The following KCTD16 variants were observed in gnomAD, a reference collection of about 807,000 sequenced individuals.
KCTD16 encodes BTB/POZ domain-containing protein KCTD16.
Under a neutral mutation model 33.2 loss-of-function variants are expected in KCTD16, and 13 were observed. That is an observed-to-expected ratio of 0.39 (90% CI 0.25 to 0.62). The LOEUF is 0.62. KCTD16 is among the 20% of genes least tolerant of loss of function. KCTD16 has a pLI of 0.50. For synonymous variants in KCTD16, 197 were observed against 195.3 expected (o/e 1.01, Z -0.07); for missense variants, 441 against 525.1 (o/e 0.84, Z 1.57).
chr5:144,209,545 G>A (rs764851968), intron 3 of KCTD16, among the ~76,000 whole-genome samples: 73 of 152,050 alleles, frequency 4.8e-4, no homozygotes, highest in Non-Finnish European at 7.5e-4. Flanking sequence ...CTCTTCCTCT[G>A]TCTTAGGACC....
rs1041895704 is a variant in KCTD16 at position 144,483,602 on chromosome 5, C to T, written c.*9488C>T. 16 of 151,946 alleles carry T rather than the reference C, an allele frequency of 1.1e-4. No individual in the cohort carries two copies. Among genetic ancestry groups the T allele is most frequent in the Non-Finnish European group, 1.8e-4 (12 of 67,930 alleles). The allele number at this position is 151,946 out of a possible 1,614,324, so 9.4% of individuals were successfully genotyped here. On this transcript the variant is annotated 3_prime_UTR_variant, in exon 4 of 4. Coordinates refer to ENST00000512467, the MANE Select transcript of KCTD16 (RefSeq NM_020768.4). The stretch of plus-strand genomic sequence containing the variant: ...TTTACAGACATAACAACCAAATTAA[C>T]GAATTTTGGCCATCTTAAGAATACA...
At position 144,474,635 on chromosome 5, in the gene KCTD16, C is replaced by T. The variant is rs921838529; in HGVS notation, c.*521C>T. Reference sequence around the variant, plus strand: ...TGCCAGTTTATATTGACTCCGTATGCATGAGTATTTGTGCAACACAAGCAC... The same window carrying T: ...TGCCAGTTTATATTGACTCCGTATGTATGAGTATTTGTGCAACACAAGCAC... On this transcript the variant is annotated 3_prime_UTR_variant, in exon 4 of 4. Transcript: ENST00000512467. 6.3e-6 allele frequency: 1 copy of T among 158,622 alleles called. No homozygotes were observed. The highest frequency in any genetic ancestry group is 1.9e-4 in the South Asian group (1 of 5,382). 9.8% of individuals were successfully genotyped at this position (158,622 alleles called of 1,614,324 possible).
rs779107130 is a variant in KCTD16 at position 144,207,206 on chromosome 5, T to G, written c.492T>G (p.Gly164=). 6.2e-7 allele frequency: 1 copy of G among 1,613,250 alleles called. No individual in the cohort carries two copies. ...TGCTCCCTGCCGACCGCAAGTGGGGTTTCATTACTGTGGGTTACAGAGGAT... is the reference window on the plus strand; with the variant it reads ...TGCTCCCTGCCGACCGCAAGTGGGGGTTCATTACTGTGGGTTACAGAGGAT... ...SSLLPADRKW[G]FITVGYRGSC... is the part of the protein sequence containing the mutation. Residue 164 remains glycine, a synonymous_variant, in exon 3 of 4, where the codon GGT becomes GGG. Transcript: ENST00000512467.
rs143641291 is a variant in KCTD16 at position 144,414,383 on chromosome 5, G to A, written c.833-59277G>A. 2.6e-5 allele frequency among the ~76,000 whole-genome samples: 4 copies of A among 152,262 alleles called. No individual in the cohort carries two copies. In the East Asian group the frequency reaches 7.7e-4, roughly 29 times the overall value. On this transcript the variant is annotated intron_variant, in intron 3 of 3. Coordinates refer to ENST00000512467, the MANE Select transcript of KCTD16 (RefSeq NM_020768.4). ...CTTCAGAGTGCACTAAGAGTACATGGCCTGTGTGTTCCTGCAAAGTGTTTC... is the reference window on the plus strand; with the variant it reads ...CTTCAGAGTGCACTAAGAGTACATGACCTGTGTGTTCCTGCAAAGTGTTTC...
At chr5:144,442,689 A>G (rs1345975813) in intron 3 of KCTD16, among the ~76,000 whole-genome samples, 3 of 151,626 alleles carry the variant, frequency 2.0e-5, no homozygotes, top group African/African-American at 7.3e-5. Context: ...CTTCACCAAG[A>G]TCTCCATTGT....
intron 3 of KCTD16, among the ~76,000 whole-genome samples, chr5:144,232,409 G>A (rs1233912528): frequency 6.6e-6 from 1 of 152,212 alleles, no homozygotes; most frequent in Non-Finnish European, 1.5e-5. Context: ...TTGAACGTGT[G>A]AAGAAATGGA....
intron 3 of KCTD16, among the ~76,000 whole-genome samples, chr5:144,431,264 G>T (rs143362582): frequency 2.6e-5 from 4 of 152,202 alleles, no homozygotes; most frequent in African/African-American, 9.6e-5. Context: ...ATCAGGAATT[G>T]TTCTTCTTTT....
Position 144,482,360 on chromosome 5 carries a change from G to A in KCTD16, c.*8246G>A, listed in dbSNP as rs1015781332. Reference sequence around the variant, plus strand: ...TATCTGGTGAGTACTGATACCCTAAGAAACTCACCGTGATAAGCTAGCTTC... The same window carrying A: ...TATCTGGTGAGTACTGATACCCTAAAAAACTCACCGTGATAAGCTAGCTTC... On this transcript the variant is annotated 3_prime_UTR_variant, in exon 4 of 4. Coordinates refer to ENST00000512467, the MANE Select transcript of KCTD16 (RefSeq NM_020768.4). 3.3e-5 allele frequency: 5 copies of A among 151,934 alleles called. No individual in the cohort carries two copies. The highest frequency in any genetic ancestry group is 7.4e-5 in the Non-Finnish European group (5 of 67,932). The allele number at this position is 151,934 out of a possible 1,614,324, so 9.4% of individuals were successfully genotyped here. A position where few individuals can be genotyped will look rare whatever the true frequency, so the allele number is the denominator to read the frequency against.
chr5:144,420,527 T>C (rs1299275786), intron 3 of KCTD16, among the ~76,000 whole-genome samples: 1 of 152,138 alleles, frequency 6.6e-6, no homozygotes, highest in Non-Finnish European at 1.5e-5. Context: ...TGTGTGTGTG[T>C]GTGTGTGCAC....
At chr5:144,357,039 C>T (rs967521837) in intron 3 of KCTD16, among the ~76,000 whole-genome samples, 3 of 152,148 alleles carry the variant, frequency 2.0e-5, no homozygotes, top group Admixed American at 2.0e-4. Flanking sequence ...GTTTACTGCA[C>T]TTTGAGTATC....
intron 2 of KCTD16, among the ~76,000 whole-genome samples, chr5:144,194,716 CTG>C (rs2126782088): frequency 6.6e-6 from 1 of 152,254 alleles, no homozygotes; most frequent in East Asian, 1.9e-4. Context: ...GATGAGAAAA[CTG>C]TGGCTCAGAT....
intron 3 of KCTD16, among the ~76,000 whole-genome samples, chr5:144,447,851 T>G (rs1330991900): frequency 6.6e-6 from 1 of 152,098 alleles, no homozygotes; most frequent in Non-Finnish European, 1.5e-5. Flanking sequence ...GTTCCCCAAC[T>G]TTGCTCTCTA....
Position 144,411,472 on chromosome 5 carries a change from GA to G in KCTD16, c.833-62187del, listed in dbSNP as rs144999800. ...TAGATAAATGGTGCTGAGAAAACTG[GA>G]TAACCATATGCAGAAGAATGAAACG... On this transcript the variant is annotated intron_variant, in intron 3 of 3. Coordinates refer to ENST00000512467, the MANE Select transcript of KCTD16 (RefSeq NM_020768.4). 8.8e-3 allele frequency among the ~76,000 whole-genome samples: 1,341 copies of G among 152,206 alleles called. 26 individuals are homozygous for G. Among genetic ancestry groups the G allele is most frequent in the African/African-American group, 0.03 (1,232 of 41,502 alleles).
At chr5:144,246,031 G>A (rs577902351) in intron 3 of KCTD16, among the ~76,000 whole-genome samples, 82 of 152,230 alleles carry the variant, frequency 5.4e-4, no homozygotes, top group African/African-American at 1.8e-3. Flanking sequence ...AAGAATTGTG[G>A]TCTTTATCCT....
At chr5:144,272,411 CAA>C (rs1372178058) in intron 3 of KCTD16, among the ~76,000 whole-genome samples, 3 of 151,882 alleles carry the variant, frequency 2.0e-5, no homozygotes, top group Non-Finnish European at 4.4e-5. Context: ...GCCTGGGCAA[CAA>C]GAGTGAAACT....
intron 3 of KCTD16, among the ~76,000 whole-genome samples, chr5:144,360,246 C>T (rs971351914): frequency 9.2e-5 from 14 of 152,092 alleles, no homozygotes; most frequent in Non-Finnish European, 1.3e-4. Context: ...GCTATCCCTC[C>T]CCTAGCCTCC....
At chr5:144,300,717 C>T (rs1024644126) in intron 3 of KCTD16, among the ~76,000 whole-genome samples, 9 of 152,134 alleles carry the variant, frequency 5.9e-5, no homozygotes, top group African/African-American at 1.4e-4. Context: ...AATTGATATA[C>T]AATGTGGTTG....
chr5:144,373,614 T>A (rs2126925587), intron 3 of KCTD16, among the ~76,000 whole-genome samples: 1 of 152,306 alleles, frequency 6.6e-6, no homozygotes, highest in South Asian at 2.1e-4. Context: ...CTCATTATTT[T>A]TTACGTGATA....
chr5:144,460,980 A>C (rs1754180916), intron 3 of KCTD16, among the ~76,000 whole-genome samples: 1 of 152,206 alleles, frequency 6.6e-6, no homozygotes, highest in African/African-American at 2.4e-5. Flanking sequence ...TCAGAATGAA[A>C]GGAACATAAC....
Sources: allele counts gnomAD v4.1 joint callset (sites outside exome capture counted in the v4.1 genomes callset), GRCh38; gene constraint gnomAD v4.1.1; transcripts MANE v1.5; gene names NCBI Gene and HGNC (gene_info 2026-07-23, HGNC 2026-07-21).